FGD3: variants seen among roughly 807,000 people sequenced by gnomAD.
The protein encoded by FGD3 is FYVE, RhoGEF and PH domain containing 3.
FGD3 carries 45 observed loss-of-function variants against 71.8 expected under a neutral mutation model. That is an observed-to-expected ratio of 0.63 (90% CI 0.49 to 0.80). The LOEUF (loss-of-function observed/expected upper bound fraction) is 0.80, where lower values mean the gene tolerates loss of function less well. FGD3 is among the 30% of genes least tolerant of loss of function. The pLI is 0.00. For missense variants in FGD3, 844 were observed against 951.5 expected (o/e 0.89, Z 1.49); for synonymous variants, 378 against 392.8 (o/e 0.96, Z 0.44).
intron 15 of FGD3, among the ~76,000 whole-genome samples, chr9:93,032,113 G>A (rs1035387070): frequency 7.2e-5 from 11 of 152,200 alleles, no homozygotes; most frequent in Admixed American, 2.0e-4. Context: ...CGATGGACAC[G>A]GGTTGCTTCC....
intron 3 of FGD3, among the ~76,000 whole-genome samples, chr9:92,994,148 G>C (rs1487154979): frequency 6.6e-6 from 1 of 151,344 alleles, no homozygotes; most frequent in African/African-American, 2.5e-5. Flanking sequence ...ACTTTTTAAT[G>C]ATTGCCATTC....
intron 7 of FGD3, among the ~76,000 whole-genome samples, 162 bp from the exon 8 acceptor site, chr9:93,011,052 C>A (rs1446074126): frequency 6.6e-6 from 1 of 152,102 alleles, no homozygotes; most frequent in Non-Finnish European, 1.5e-5. Flanking sequence ...GGCAGGGTCA[C>A]CCCCTTCCTC....
intron 1 of FGD3, among the ~76,000 whole-genome samples, chr9:92,951,134 C>A (rs977712178): frequency 1.3e-5 from 2 of 152,080 alleles, no homozygotes; most frequent in South Asian, 2.1e-4. Flanking sequence ...GAATTCCAAC[C>A]GGCCTTTAAG....
chr9:93,019,794 A>C, intron 11 of FGD3, 37 bp from the exon 12 acceptor site: 1 of 1,608,360 alleles, frequency 6.2e-7, no homozygotes, highest in Non-Finnish European at 8.5e-7. Context: ...GTCAGTATCC[A>C]AGACTGGATT....
At chr9:93,005,988 C>T (rs776549140) in intron 5 of FGD3, 36 bp from the exon 6 acceptor site, 5 of 1,564,384 alleles carry the variant, frequency 3.2e-6, no homozygotes, top group Admixed American at 3.7e-5. Flanking sequence ...CCCATTGCAC[C>T]CAGCTATTTC....
chr9:93,035,611 C>A lies in FGD3; in HGVS notation c.*22C>A. 1 of 1,566,404 alleles carries A rather than the reference C, an allele frequency of 6.4e-7. No homozygotes were observed. ...GTGAGCTGAGTCTCCCACTGCCCTG[C>A]ACACCACCACATTGGACCTGTGCTG... On this transcript the variant is annotated 3_prime_UTR_variant, in exon 18 of 18. Transcript: ENST00000375482.
At chr9:92,990,655 G>A (rs781648910) in intron 3 of FGD3, among the ~76,000 whole-genome samples, 4 of 152,188 alleles carry the variant, frequency 2.6e-5, no homozygotes, top group Non-Finnish European at 4.4e-5. Context: ...ATCAAATGCT[G>A]TCTCAGCATA....
At chr9:92,971,737 G>A (rs1269108728) in intron 1 of FGD3, among the ~76,000 whole-genome samples, 3 of 151,666 alleles carry the variant, frequency 2.0e-5, no homozygotes, top group East Asian at 3.9e-4. Flanking sequence ...CACCACACCT[G>A]GCTAGGGTGG....
At chr9:93,008,981 T>G (rs141973131) in intron 6 of FGD3, among the ~76,000 whole-genome samples, 1 of 150,828 alleles carries the variant, frequency 6.6e-6, no homozygotes, top group Admixed American at 6.6e-5. Flanking sequence ...AAAAAAAGTT[T>G]TGGCCAGGCG....
chr9:93,004,130 G>T lies in FGD3; in HGVS notation c.673G>T (p.Glu225Ter). 1 of 1,613,776 alleles carries T rather than the reference G, an allele frequency of 6.2e-7. No homozygotes were observed. The highest frequency in any genetic ancestry group is 8.5e-7 in the Non-Finnish European group (1 of 1,180,000). ...LLPELKTRITEEWDTNPRLGD... is the reference protein window; with the variant it reads ...LLPELKTRIT ...GCCGGAGCTGAAGACGCGGATCACG[G>T]AGGAGTGGTGAGTACCATCTGCGCA... The change falls in exon 5 of 18, where the codon GAG (glutamate) becomes TAG (stop). Residue 225 changes from glutamate to a stop codon, truncating the protein, a stop_gained. Coordinates refer to ENST00000375482, the MANE Select transcript of FGD3 (RefSeq NM_001083536.2). LOFTEE classifies it high-confidence loss of function.
chr9:93,014,375 C>T (rs190002414), intron 9 of FGD3, among the ~76,000 whole-genome samples: 4 of 152,028 alleles, frequency 2.6e-5, no homozygotes, highest in South Asian at 2.1e-4. Flanking sequence ...AAACCCTGGC[C>T]GGGAGGGAGG....
chr9:93,020,688 C>A, intron 13 of FGD3: 1 of 425,696 alleles, frequency 2.3e-6, no homozygotes, highest in Non-Finnish European at 4.4e-6. Context: ...GTCCAGAGAG[C>A]CTCCTGTGCT....
chr9:92,959,528 C>T (rs1253221281), intron 1 of FGD3, among the ~76,000 whole-genome samples: 1 of 151,300 alleles, frequency 6.6e-6, no homozygotes, highest in East Asian at 1.9e-4. Flanking sequence ...GGAAACATAG[C>T]CAGAGTCCGT....
intron 1 of FGD3, among the ~76,000 whole-genome samples, chr9:92,948,271 C>T (rs1405085227): frequency 7.9e-5 from 12 of 152,138 alleles, no homozygotes; most frequent in Admixed American, 7.9e-4. Flanking sequence ...TCGGCATTTC[C>T]CCTAAGTGTC....
At chr9:92,955,415 A>G (rs1361644751) in intron 1 of FGD3, among the ~76,000 whole-genome samples, 1 of 152,110 alleles carries the variant, frequency 6.6e-6, no homozygotes, top group East Asian at 1.9e-4. Flanking sequence ...GCATGCCTGT[A>G]ATCCCAGCTA....
chr9:92,988,711 C>A (rs1247735883), intron 3 of FGD3, among the ~76,000 whole-genome samples: 2 of 152,216 alleles, frequency 1.3e-5, no homozygotes, highest in Non-Finnish European at 2.9e-5. Flanking sequence ...TACCATAAAA[C>A]CTGCCCTTAG....
intron 3 of FGD3, among the ~76,000 whole-genome samples, chr9:92,988,525 T>C (rs529995591): frequency 3.2e-4 from 48 of 152,258 alleles, no homozygotes; most frequent in African/African-American, 1.1e-3. Context: ...CCCCTGCTCA[T>C]GTCTGCCTGG....
chr9:93,026,014 C>T (rs748566254), intron 14 of FGD3, among the ~76,000 whole-genome samples: 1 of 152,236 alleles, frequency 6.6e-6, no homozygotes, highest in Non-Finnish European at 1.5e-5. Context: ...CAGCCTGTGT[C>T]CCCTGCTGGG....
intron 6 of FGD3, among the ~76,000 whole-genome samples, chr9:93,009,419 T>C (rs1861208576): frequency 6.6e-6 from 1 of 152,244 alleles, no homozygotes; most frequent in Non-Finnish European, 1.5e-5. Context: ...CGTTCTGTTC[T>C]GGGCCCTGAG....
Sources: allele counts gnomAD v4.1 joint callset (sites outside exome capture counted in the v4.1 genomes callset), GRCh38; gene constraint gnomAD v4.1.1; transcripts MANE v1.5; gene names NCBI Gene and HGNC (gene_info 2026-07-23, HGNC 2026-07-21).